The following TRAPPC11 variants were observed in gnomAD, a reference collection of about 807,000 sequenced individuals.
TRAPPC11 encodes trafficking protein particle complex subunit 11.
A neutral mutation model predicts 151.2 loss-of-function variants in TRAPPC11; 104 were observed. The ratio of observed to expected loss-of-function variants is 0.69; its 90% CI spans 0.59 to 0.81. The LOEUF (loss-of-function observed/expected upper bound fraction) is 0.81, where lower values mean the gene tolerates loss of function less well. Among genes scored for constraint, TRAPPC11 ranks in the 30% least tolerant of loss-of-function variants. TRAPPC11 has a pLI of 0.00. For synonymous variants in TRAPPC11, 456 were observed against 472.3 expected, an observed-to-expected ratio of 0.97 and a Z score of 0.45; for missense variants, 1,230 against 1,349.6, an observed-to-expected ratio of 0.91 and a Z score of 1.39.
intron 28 of TRAPPC11, among the ~76,000 whole-genome samples, chr4:183,707,979 C>CA (rs1189439923): frequency 6.6e-6 from 1 of 151,732 alleles, no homozygotes; most frequent in African/African-American, 2.4e-5. Context: ...TAAAACAAAA[C>CA]AAACTACTAA....
At chr4:183,683,215 G>A (rs1352976871) in intron 11 of TRAPPC11, among the ~76,000 whole-genome samples, 1 of 151,272 alleles carries the variant, frequency 6.6e-6, no homozygotes, top group Non-Finnish European at 1.5e-5. Flanking sequence ...ACATGCCACT[G>A]TTGTCTTATT....
At chr4:183,672,377 G>GTC (rs1735197250) in intron 5 of TRAPPC11, among the ~76,000 whole-genome samples, 1 of 151,898 alleles carries the variant, frequency 6.6e-6, no homozygotes, top group Non-Finnish European at 1.5e-5. Context: ...AAAAAAAACT[G>GTC]AAGGTCTCTT....
chr4:183,676,787 T>C (rs1355927042), intron 7 of TRAPPC11, among the ~76,000 whole-genome samples: 1 of 152,166 alleles, frequency 6.6e-6, no homozygotes, highest in Non-Finnish European at 1.5e-5. Flanking sequence ...TTTTTTGAGA[T>C]GGCATCTCCC....
intron 2 of TRAPPC11, among the ~76,000 whole-genome samples, chr4:183,665,144 G>A (rs1477560038): frequency 6.9e-6 from 1 of 144,860 alleles, no homozygotes; most frequent in Non-Finnish European, 1.5e-5. Flanking sequence ...CCCGAGGCTG[G>A]AGTGCTGTGG....
chr4:183,711,112 A>G (rs998425721), intron 29 of TRAPPC11, among the ~76,000 whole-genome samples: 7 of 135,730 alleles, frequency 5.2e-5, no homozygotes, highest in Non-Finnish European at 7.9e-5. Context: ...AAATGTCTAC[A>G]ATTTTTTTTT....
chr4:183,707,254 A>ATG lies in TRAPPC11; in HGVS notation c.3189+341_3189+342dup, dbSNP rs10576583. On this transcript the variant is annotated intron_variant, in intron 28 of 29. Coordinates refer to ENST00000334690, the MANE Select transcript of TRAPPC11 (RefSeq NM_021942.6). ...TTATTACTGATGAGTGTGTGTGTTT[A>ATG]TGTGTGTGTGTGTGTGTGTGTGTGT... Among the ~76,000 whole-genome samples the ATG allele has an allele frequency of 0.02, 2,913 of 148,638 alleles. 51 individuals are homozygous for ATG. The highest frequency in any genetic ancestry group is 0.046 in the African/African-American group (1,869 of 40,348).
chr4:183,677,421 A>T, intron 7 of TRAPPC11, 37 bp from the exon 8 acceptor site: 2 of 1,231,378 alleles, frequency 1.6e-6, no homozygotes, highest in Non-Finnish European at 2.4e-6. Context: ...ATCGTTTATT[A>T]AACTAATTTA....
At chr4:183,686,784 A>G (rs753518578) in intron 18 of TRAPPC11, 36 bp downstream of exon 18, 4 of 1,608,136 alleles carry the variant, frequency 2.5e-6, no homozygotes, top group Non-Finnish European at 3.4e-6. Flanking sequence ...TACCACGTTT[A>G]TCTTATTGTA....
intron 26 of TRAPPC11, among the ~76,000 whole-genome samples, chr4:183,704,620 T>C (rs927525991): frequency 6.6e-6 from 1 of 151,230 alleles, no homozygotes; most frequent in Non-Finnish European, 1.5e-5. Context: ...AAGACCATCC[T>C]AGCTAACACG....
At chr4:183,664,145 TTG>T (rs891259659) in intron 2 of TRAPPC11, 74 bp downstream of exon 2, 17 of 1,372,352 alleles carry the variant, frequency 1.2e-5, no homozygotes, top group Non-Finnish European at 1.5e-5. Flanking sequence ...TTTTGTTCTG[TTG>T]TGTGTGTGGA....
chr4:183,691,224 T>G, intron 18 of TRAPPC11, 92 bp from the exon 19 acceptor site: 2 of 998,684 alleles, frequency 2.0e-6, no homozygotes, highest in Non-Finnish European at 2.8e-6. Context: ...TGCTTCAGTG[T>G]TTGTGGAGTT....
At position 183,675,049 on chromosome 4, in the gene TRAPPC11, G is replaced by T. The variant is rs11938175; in HGVS notation, c.661-115G>T. The T allele has an allele frequency of 7.8e-3, 4,625 of 591,152 alleles. 176 individuals are homozygous for T. In the African/African-American group the frequency reaches 0.081, roughly 10 times the overall value. 36.6% of individuals were successfully genotyped at this position (591,152 alleles called of 1,614,324 possible). A position where few individuals can be genotyped will look rare whatever the true frequency, so the allele number is the denominator to read the frequency against. On this transcript the variant is annotated intron_variant, in intron 6 of 29. Transcript: ENST00000334690. ...GCCTTTATTTGTGGGAATAATTCTT[G>T]TATTTCAGTTTTGAATATTTTTCTT...
chr4:183,673,691 A>G (rs1051959556), intron 5 of TRAPPC11, among the ~76,000 whole-genome samples: 1 of 152,208 alleles, frequency 6.6e-6, no homozygotes, highest in Non-Finnish European at 1.5e-5. Flanking sequence ...AAATGAAATG[A>G]AATGAAATAA....
chr4:183,708,675 G>C, intron 29 of TRAPPC11, 101 bp downstream of exon 29: 1 of 1,120,496 alleles, frequency 8.9e-7, no homozygotes, highest in Non-Finnish European at 1.3e-6. Flanking sequence ...GAGACCAACA[G>C]TGATAGTTTT....
In TRAPPC11 at chr4:183,697,883, G is replaced by A. The variant is rs759792835; in HGVS notation, c.2851+48G>A. 2.1e-5 allele frequency: 24 copies of A among 1,119,354 alleles called. No individual in the cohort carries two copies. The East Asian group carries it at 3.1e-4, about 15-fold the overall frequency. The allele number at this position is 1,119,354 out of a possible 1,614,324, so 69.3% of individuals were successfully genotyped here. A position where few individuals can be genotyped will look rare whatever the true frequency, so the allele number is the denominator to read the frequency against. On this transcript the variant is annotated intron_variant, in intron 25 of 29. Transcript: ENST00000334690. ...TAAAGACCAGGAGAATTGTGCGCGC[G>A]TGTGTGTGTGTGTGTATAAGCTGGC...
intron 28 of TRAPPC11, 42 bp downstream of exon 28, chr4:183,706,982 G>C (rs746669292): frequency 5.5e-5 from 88 of 1,601,908 alleles, no homozygotes; most frequent in Non-Finnish European, 7.0e-5. Context: ...ACACAAAAGT[G>C]TGCCAGGAAA....
At chr4:183,711,358 C>T (rs941526656) in intron 29 of TRAPPC11, among the ~76,000 whole-genome samples, 1 of 152,210 alleles carries the variant, frequency 6.6e-6, no homozygotes, top group Non-Finnish European at 1.5e-5. Flanking sequence ...CCATACCAGA[C>T]AGTGACGTCC....
At chr4:183,683,155 CAAAAA>C (rs11461854) in intron 11 of TRAPPC11, among the ~76,000 whole-genome samples, 1 of 97,960 alleles carries the variant, frequency 1.0e-5, no homozygotes. Flanking sequence ...GACCTCATCT[CAAAAA>C]AAAAAAAAAA....
intron 1 of TRAPPC11, among the ~76,000 whole-genome samples, chr4:183,661,521 A>G (rs185287911): frequency 0.018 from 2,746 of 151,098 alleles, 42 homozygotes; most frequent in Middle Eastern, 0.027. Flanking sequence ...ACAGGCGCCC[A>G]CCACCATACT....
Sources: allele counts gnomAD v4.1 joint callset (sites outside exome capture counted in the v4.1 genomes callset), GRCh38; gene constraint gnomAD v4.1.1; transcripts MANE v1.5; gene names NCBI Gene and HGNC (gene_info 2026-07-23, HGNC 2026-07-21).